CRADD: variants seen among roughly 807,000 people sequenced by gnomAD.
CRADD encodes the protein CARD and death domain containing adaptor protein.
CRADD carries 9 observed loss-of-function variants against 15.5 expected under a neutral mutation model. The ratio of observed to expected loss-of-function variants is 0.58; its 90% confidence interval spans 0.35 to 1.01. The LOEUF (loss-of-function observed/expected upper bound fraction) is 1.01. Among genes scored for constraint, CRADD ranks in the 50% least tolerant of loss-of-function variants. The probability of loss-of-function intolerance (pLI) is 0.02; values close to 1 mark genes in which losing one functional copy is unlikely to be tolerated. For missense variants in CRADD, 227 were observed against 250.3 expected, an observed-to-expected ratio of 0.91 and a Z score of 0.63; for synonymous variants, 118 against 107.6, an observed-to-expected ratio of 1.10 and a Z score of -0.60.
At chr12:93,773,813 G>GGTTTT (rs763799974) in intron 2 of CRADD, among the ~76,000 whole-genome samples, 3 of 87,550 alleles carry the variant, frequency 3.4e-5, no homozygotes, top group East Asian at 4.5e-4. Flanking sequence ...TACTTTGTGA[G>GGTTTT]TTTTTTTTTT....
chr12:93,681,378 A>G (rs1354515644), intron 2 of CRADD, among the ~76,000 whole-genome samples: 1 of 152,166 alleles, frequency 6.6e-6, no homozygotes, highest in African/African-American at 2.4e-5. Context: ...TTTTCTCAAG[A>G]TTTGTTAATT....
At chr12:93,858,914 G>A (rs748906820) in intron 2 of CRADD, among the ~76,000 whole-genome samples, 32 of 152,334 alleles carry the variant, frequency 2.1e-4, no homozygotes, top group Non-Finnish European at 3.4e-4. Context: ...ATTTCCATTA[G>A]ATCATAGCCT....
chr12:93,846,230 G>A (rs1163442366), intron 2 of CRADD, among the ~76,000 whole-genome samples: 1 of 152,200 alleles, frequency 6.6e-6, no homozygotes, highest in Non-Finnish European at 1.5e-5. Context: ...GAATAACGCT[G>A]CTATGAACAT....
intron 2 of CRADD, among the ~76,000 whole-genome samples, chr12:93,883,027 A>G (rs890910814): frequency 3.3e-5 from 5 of 152,252 alleles, no homozygotes; most frequent in Non-Finnish European, 7.3e-5. Flanking sequence ...GAGACTTGGA[A>G]TTAATATATC....
intron 2 of CRADD, among the ~76,000 whole-genome samples, chr12:93,749,918 A>G (rs1316275778): frequency 6.6e-6 from 1 of 152,210 alleles, no homozygotes; most frequent in African/African-American, 2.4e-5. Context: ...AGTACAACAA[A>G]CCTAAAACAG....
intron 2 of CRADD, among the ~76,000 whole-genome samples, chr12:93,888,802 C>T (rs754728143): frequency 3.9e-5 from 6 of 152,136 alleles, no homozygotes; most frequent in Non-Finnish European, 7.3e-5. Flanking sequence ...CTGAACCAAC[C>T]ACATCTTGAG....
At chr12:93,880,188 G>A (rs1235974873) in intron 2 of CRADD, among the ~76,000 whole-genome samples, 1 of 152,132 alleles carries the variant, frequency 6.6e-6, no homozygotes, top group Non-Finnish European at 1.5e-5. Flanking sequence ...GTAATGTCTA[G>A]GACTTAGTCT....
chr12:93,772,127 A>G (rs1377657139), intron 2 of CRADD, among the ~76,000 whole-genome samples: 1 of 152,190 alleles, frequency 6.6e-6, no homozygotes, highest in Non-Finnish European at 1.5e-5. Context: ...TTTAAAAAGA[A>G]ATGGTTTGTT....
At chr12:93,808,681 T>G (rs371364279) in intron 2 of CRADD, among the ~76,000 whole-genome samples, 5 of 152,208 alleles carry the variant, frequency 3.3e-5, no homozygotes, top group African/African-American at 1.2e-4. Context: ...TCTTTGTGGC[T>G]TCAGTTGATA....
At chr12:93,794,284 A>G (rs1254242023) in intron 2 of CRADD, among the ~76,000 whole-genome samples, 2 of 152,204 alleles carry the variant, frequency 1.3e-5, no homozygotes, top group South Asian at 2.1e-4. Context: ...TCTGGTTGCT[A>G]ACTTAACATC....
rs1489666099 is a variant in CRADD at position 93,765,590 on chromosome 12, C to T, written c.299-84380C>T. 2.0e-5 allele frequency among the ~76,000 whole-genome samples: 3 copies of T among 152,242 alleles called. No homozygotes were observed. In the East Asian group the frequency reaches 5.8e-4, roughly 29 times the overall value. ...TTTATTGAGGGTGAGAGGGCATGAA[C>T]CGGCTCCTGGGTGCGCCCTCCTAGG... On this transcript the variant is annotated intron_variant, in intron 2 of 2. Coordinates refer to ENST00000332896, the MANE Select transcript of CRADD (RefSeq NM_003805.5).
intron 2 of CRADD, among the ~76,000 whole-genome samples, chr12:93,728,872 C>T (rs189032263): frequency 1.6e-3 from 237 of 152,212 alleles, no homozygotes; most frequent in African/African-American, 4.8e-3. Context: ...TAATTTATTG[C>T]ATTTATTGAA....
At chr12:93,795,309 C>T (rs1252799579) in intron 2 of CRADD, among the ~76,000 whole-genome samples, 2 of 152,200 alleles carry the variant, frequency 1.3e-5, no homozygotes, top group African/African-American at 4.8e-5. Flanking sequence ...TCTTCCCCAT[C>T]CCTAAGTTCC....
rs555553259 is a variant in CRADD at position 93,809,629 on chromosome 12, G to A, written c.299-40341G>A. On this transcript the variant is annotated intron_variant, in intron 2 of 2. Transcript: ENST00000332896. Reference sequence around the variant, plus strand: ...AGTGGTTGTGCTTCCTAGACCCCAAGGTCCAGTGTGTGCCAGTATGGCCTT... The same window carrying A: ...AGTGGTTGTGCTTCCTAGACCCCAAAGTCCAGTGTGTGCCAGTATGGCCTT... Among the ~76,000 whole-genome samples the A allele has an allele frequency of 2.2e-4, 33 of 152,290 alleles. No homozygotes were observed. In the South Asian group the frequency reaches 6.8e-3, roughly 32 times the overall value.
At chr12:93,777,420 T>G (rs543646909) in intron 2 of CRADD, among the ~76,000 whole-genome samples, 1 of 152,302 alleles carries the variant, frequency 6.6e-6, no homozygotes, top group South Asian at 2.1e-4. Context: ...ATAGTTTCCT[T>G]TGCTGACCTA....
chr12:93,702,887 G>C (rs575647642), intron 2 of CRADD, among the ~76,000 whole-genome samples: 30 of 152,162 alleles, frequency 2.0e-4, no homozygotes, highest in African/African-American at 7.0e-4. Context: ...CTGTGGCCTT[G>C]GTTAAATTGG....
At position 93,808,194 on chromosome 12, in the gene CRADD, GTT is replaced by G. The variant is rs535794222; in HGVS notation, c.299-41775_299-41774del. Among the ~76,000 whole-genome samples, 5 of 152,024 alleles carry G rather than the reference GTT, an allele frequency of 3.3e-5. No individual in the cohort carries two copies. In the South Asian group the frequency reaches 1.0e-3, roughly 32 times the overall value. On this transcript the variant is annotated intron_variant, in intron 2 of 2. Transcript: ENST00000332896. ...GCTCTAGCTCTCCCTCACACAGCCTGTTCTCATGCTGCTAATAAAGACATACC... is the reference window on the plus strand; with the variant it reads ...GCTCTAGCTCTCCCTCACACAGCCTGCTCATGCTGCTAATAAAGACATACC...
intron 2 of CRADD, among the ~76,000 whole-genome samples, chr12:93,711,253 C>G (rs1956068725): frequency 2.0e-5 from 3 of 151,892 alleles, no homozygotes; most frequent in Non-Finnish European, 4.4e-5. Context: ...AAAAAGGAAA[C>G]AAGCCAGTTG....
rs184307064 is a variant in CRADD, at chr12:93,732,965, G to C, written c.298+53893G>C. 1.5e-4 allele frequency among the ~76,000 whole-genome samples: 23 copies of C among 152,246 alleles called. No homozygotes were observed. In the East Asian group the frequency reaches 3.3e-3, roughly 22 times the overall value. ...AGACCCAGATTTGAACACTGGTTCT[G>C]CCCTTAACAACCTCCTAACCTTGGG... On this transcript the variant is annotated intron_variant, in intron 2 of 2. Transcript: ENST00000332896.
Sources: allele counts gnomAD v4.1 joint callset (sites outside exome capture counted in the v4.1 genomes callset), GRCh38; gene constraint gnomAD v4.1.1; transcripts MANE v1.5; gene names NCBI Gene and HGNC (gene_info 2026-07-23, HGNC 2026-07-21).